QTRT2: variants seen among roughly 807,000 people sequenced by gnomAD.
QTRT2 encodes queuine tRNA-ribosyltransferase domain containing 1.
A neutral mutation model predicts 44.8 loss-of-function variants in QTRT2; 32 were observed. The ratio of observed to expected loss-of-function variants is 0.71; its 90% CI spans 0.54 to 0.96. The LOEUF is 0.96. QTRT2 is among the 40% of genes least tolerant of loss of function. The pLI, the probability that QTRT2 is intolerant of heterozygous loss-of-function variation, is 0.00. For synonymous variants in QTRT2, 182 were observed against 187.4 expected (o/e 0.97, Z 0.24); for missense variants, 461 against 503.1 (o/e 0.92, Z 0.80).
At position 114,079,814 on chromosome 3, in the gene QTRT2, C is replaced by T. The variant is rs1036923649; in HGVS notation, c.747-92C>T. 6.6e-6 allele frequency: 8 copies of T among 1,215,450 alleles called. No individual in the cohort carries two copies. The South Asian group carries it at 7.4e-5, about 11-fold the overall frequency. The allele number at this position is 1,215,450 out of a possible 1,614,324, so 75.3% of individuals were successfully genotyped here. On this transcript the variant is annotated intron_variant, in intron 7 of 9. Transcript: ENST00000281273. ...CCATGATTGGTGTTTTTCATTATTA[C>T]TATTTTTTTAGTGCCTTGTTCATTA...
rs6767508 is a variant in QTRT2, at chr3:114,060,496, G to A, written c.-22+3390G>A. ...GATAGGTAGGTAGGTAGGTAGGTAGGTAGATAGATAGATAGATAGATAGAT... is the reference window on the plus strand; with the variant it reads ...GATAGGTAGGTAGGTAGGTAGGTAGATAGATAGATAGATAGATAGATAGAT... On this transcript the variant is annotated intron_variant, in intron 2 of 9. Coordinates refer to ENST00000281273, the MANE Select transcript of QTRT2 (RefSeq NM_024638.4). Among the ~76,000 whole-genome samples, 1,273 of 144,498 alleles carry A rather than the reference G, an allele frequency of 8.8e-3. 14 individuals are homozygous for A. The highest frequency in any genetic ancestry group is 0.031 in the African/African-American group (1,163 of 37,840). 94.8% of individuals were successfully genotyped at this position (144,498 alleles called of 152,430 possible).
chr3:114,062,028 A>G (rs2076893728), intron 2 of QTRT2, among the ~76,000 whole-genome samples: 2 of 152,072 alleles, frequency 1.3e-5, no homozygotes, highest in East Asian at 3.9e-4. Flanking sequence ...AAAAAAAAAA[A>G]AATCTGAATG....
chr3:114,076,621 A>G (rs893727039), intron 6 of QTRT2, 122 bp from the exon 7 acceptor site: 2 of 840,882 alleles, frequency 2.4e-6, no homozygotes, highest in East Asian at 2.5e-5. Context: ...ATCCCCTTTA[A>G]TGCTTCAACT....
At chr3:114,073,706 G>A (rs763918574) in intron 6 of QTRT2, among the ~76,000 whole-genome samples, 6 of 151,978 alleles carry the variant, frequency 3.9e-5, no homozygotes, top group South Asian at 2.1e-4. Context: ...TTGGTCAAAC[G>A]TGTAGTCCCT....
chr3:114,085,864 T>G lies in QTRT2; in HGVS notation c.1208T>G (p.Leu403Arg). Residue 403 changes from leucine (L) to arginine (R), a missense_variant, in exon 10 of 10, where the codon CTG (leucine) becomes CGG (arginine). By Grantham distance (102) the Leu-to-Arg change is moderately radical (BLOSUM62 -2). Coordinates refer to ENST00000281273, the MANE Select transcript of QTRT2 (RefSeq NM_024638.4). ...CGGGAAGCACTAAAAAGTGACAAAC[T>G]GGCACAGTTGAAAGAGCTCATCCAC... ...YIREALKSDK[L>R]AQLKELIHRQ... 2 of 1,614,184 alleles carry G rather than the reference T, an allele frequency of 1.2e-6. No individual in the cohort carries two copies. Among genetic ancestry groups the G allele is most frequent in the Non-Finnish European group, 1.7e-6 (2 of 1,180,034 alleles).
chr3:114,086,035 A>G lies in QTRT2; in HGVS notation c.*131A>G. On this transcript the variant is annotated 3_prime_UTR_variant, in exon 10 of 10. Coordinates refer to ENST00000281273, the MANE Select transcript of QTRT2 (RefSeq NM_024638.4). ...GATATAAGGTCTGCTTAAATAAAGA[A>G]TCTTTGTACCAAACTGCCCACATGA... is the stretch of plus-strand genomic sequence containing the variant. The G allele has an allele frequency of 1.3e-6, 1 of 749,100 alleles. No individual in the cohort carries two copies. Among genetic ancestry groups the G allele is most frequent in the Middle Eastern group, 3.3e-4 (1 of 3,074 alleles). 46.4% of individuals were successfully genotyped at this position (749,100 alleles called of 1,614,324 possible).
chr3:114,077,454 C>A (rs906450858), intron 7 of QTRT2: 4 of 154,838 alleles, frequency 2.6e-5, no homozygotes, highest in African/African-American at 9.7e-5. Context: ...AGGATTGGTT[C>A]TTATGTTTCC....
chr3:114,062,550 A>G (rs1428000193), intron 2 of QTRT2, among the ~76,000 whole-genome samples: 3 of 152,128 alleles, frequency 2.0e-5, no homozygotes, highest in African/African-American at 7.2e-5. Flanking sequence ...ATGGAACTCT[A>G]TAAACTATTT....
In QTRT2 at chr3:114,074,194, T is replaced by G. The variant is rs116330158; in HGVS notation, c.547-2549T>G. Among the ~76,000 whole-genome samples the G allele has an allele frequency of 4.9e-3, 751 of 152,302 alleles. 8 individuals carry two copies. Among genetic ancestry groups the G allele is most frequent in the African/African-American group, 0.017 (710 of 41,558 alleles). On this transcript the variant is annotated intron_variant, in intron 6 of 9. Transcript: ENST00000281273. The stretch of plus-strand genomic sequence containing the variant: ...ATCACACATAGCCTTATCTTTAGGT[T>G]CATTTAGGTTCAGTGGCTGAATTAA...
At chr3:114,065,630 C>T (rs1432381433) in intron 3 of QTRT2, among the ~76,000 whole-genome samples, 173 bp downstream of exon 3, 1 of 152,110 alleles carries the variant, frequency 6.6e-6, no homozygotes, top group Admixed American at 6.5e-5. Flanking sequence ...ATCTGGAAGC[C>T]ACAGGCCAGA....
At position 114,080,035 on chromosome 3, in the gene QTRT2, C is replaced by T; in HGVS notation, c.876C>T (p.Tyr292=). 6.2e-7 allele frequency: 1 copy of T among 1,609,488 alleles called. No homozygotes were observed. The highest frequency in any genetic ancestry group is 1.7e-5 in the Admixed American group (1 of 59,304). ...GTGCCCTGACTTTCAGTTTTGATTA[C>T]CAGCCGAATCCTGAAGAGACACGTA... ...RGCALTFSFD[Y]QPNPEETLLQ... is the part of the protein sequence containing the mutation. The change falls in exon 8 of 10, where the codon TAC becomes TAT. Residue 292 remains tyrosine, a synonymous_variant. Transcript: ENST00000281273.
chr3:114,069,275 G>T (rs554738340), intron 5 of QTRT2, among the ~76,000 whole-genome samples: 1 of 151,748 alleles, frequency 6.6e-6, no homozygotes, highest in Admixed American at 6.6e-5. Flanking sequence ...TCGGGGGTAC[G>T]TGTAAACATT....
chr3:114,068,337 T>C, intron 5 of QTRT2: 1 of 337,988 alleles, frequency 3.0e-6, no homozygotes, highest in South Asian at 4.0e-5. Flanking sequence ...AAAAAAGAAA[T>C]TGCTATGATA....
rs2077229009 is a variant in QTRT2, at chr3:114,085,794, A to G, written c.1138A>G (p.Met380Val). The G allele has an allele frequency of 8.7e-6, 14 of 1,614,174 alleles. No individual in the cohort carries two copies. The highest frequency in any genetic ancestry group is 1.2e-5 in the Non-Finnish European group (14 of 1,180,034). Residue 380 changes from methionine (M) to valine (V), a missense_variant, in exon 10 of 10, where the codon ATG becomes GTG. By Grantham distance (21) the Met-to-Val change is conservative. Coordinates refer to ENST00000281273, the MANE Select transcript of QTRT2 (RefSeq NM_024638.4). ...TNELLAGVLLMMHNFEHYFGF... is the reference protein window; with the variant it reads ...TNELLAGVLLVMHNFEHYFGF... ...TGAGCTGCTGGCCGGAGTCCTGCTT[A>G]TGATGCACAACTTTGAACACTACTT...
intron 5 of QTRT2, 70 bp from the exon 6 acceptor site, chr3:114,070,556 T>C (rs2077011261): frequency 1.5e-6 from 2 of 1,324,542 alleles, no homozygotes; most frequent in Admixed American, 3.4e-5. Flanking sequence ...TATTGCTTTA[T>C]CATTTTAATT....
Position 114,070,671 on chromosome 3 carries a change from T to C in QTRT2, c.379T>C (p.Ser127Pro), listed in dbSNP as rs746390630. 2 of 1,614,094 alleles carry C rather than the reference T, an allele frequency of 1.2e-6. No homozygotes were observed. The highest frequency in any genetic ancestry group is 1.7e-6 in the Non-Finnish European group (2 of 1,180,020). Residue 127 changes from serine to proline, a missense_variant, in exon 6 of 10, where the codon TCC (serine) becomes CCC (proline). Transcript: ENST00000281273. The stretch of plus-strand genomic sequence containing the variant: ...TGCAGGACGAGTGGAAATGACTGTT[T>C]CCAAGTTCATGGCAATTCAGAAGGC... The part of the protein sequence containing the change: ...SVAGRVEMTV[S>P]KFMAIQKALQ...
intron 2 of QTRT2, among the ~76,000 whole-genome samples, chr3:114,062,815 C>T (rs886238996): frequency 4.6e-5 from 7 of 152,176 alleles, no homozygotes; most frequent in African/African-American, 1.7e-4. Context: ...CTTCATTTTT[C>T]AAACGTATTA....
chr3:114,065,208 T>G (rs1368995751), intron 2 of QTRT2, 29 bp from the exon 3 acceptor site: 2 of 1,553,166 alleles, frequency 1.3e-6, no homozygotes, highest in African/African-American at 2.7e-5. Flanking sequence ...GTGAAGCTCC[T>G]TCTATACTTA....
chr3:114,064,509 A>AT (rs532960034), intron 2 of QTRT2, among the ~76,000 whole-genome samples: 298 of 151,916 alleles, frequency 2.0e-3, no homozygotes, highest in African/African-American at 6.6e-3. Context: ...ATGTTTTCTG[A>AT]TTTTTTTTCC....
Sources: allele counts gnomAD v4.1 joint callset (sites outside exome capture counted in the v4.1 genomes callset), GRCh38; gene constraint gnomAD v4.1.1; transcripts MANE v1.5; gene names NCBI Gene and HGNC (gene_info 2026-07-23, HGNC 2026-07-21).